RALGPS1: variants seen among roughly 807,000 people sequenced by gnomAD.
RALGPS1 encodes the protein ras-specific guanine nucleotide-releasing factor RalGPS1.
A neutral mutation model predicts 78.8 loss-of-function variants in RALGPS1; 19 were observed. That is an observed-to-expected ratio of 0.24 (90% CI 0.17 to 0.35). The LOEUF (loss-of-function observed/expected upper bound fraction) is 0.35. RALGPS1 is among the 10% of genes least tolerant of loss of function. The pLI is 1.00. For missense variants in RALGPS1, 454 were observed against 688.3 expected (o/e 0.66, Z 3.81); for synonymous variants, 228 against 256.3 (o/e 0.89, Z 1.06).
chr9:127,038,261 C>G (rs900250309), intron 5 of RALGPS1, among the ~76,000 whole-genome samples: 3 of 152,190 alleles, frequency 2.0e-5, no homozygotes, highest in Non-Finnish European at 2.9e-5. Context: ...GCATTTTACC[C>G]GTGCTATCTA....
chr9:127,182,975 G>C (rs1291395382), intron 11 of RALGPS1, among the ~76,000 whole-genome samples: 1 of 152,180 alleles, frequency 6.6e-6, no homozygotes, highest in African/African-American at 2.4e-5. Flanking sequence ...GCCTCAAGAA[G>C]CTTACAGAAG....
intron 7 of RALGPS1, among the ~76,000 whole-genome samples, chr9:127,059,737 T>C (rs1436063862): frequency 6.6e-6 from 1 of 151,956 alleles, no homozygotes; most frequent in African/African-American, 2.4e-5. Context: ...GCTGCATAGA[T>C]CCCTCTGCTT....
intron 4 of RALGPS1, among the ~76,000 whole-genome samples, chr9:126,979,589 C>T (rs2041047449): frequency 6.6e-6 from 1 of 152,154 alleles, no homozygotes; most frequent in Non-Finnish European, 1.5e-5. Flanking sequence ...AGCCCTGAAC[C>T]TGCATGTGCC....
At chr9:127,099,825 C>G (rs375275108) in intron 8 of RALGPS1, among the ~76,000 whole-genome samples, 1 of 152,376 alleles carries the variant, frequency 6.6e-6, no homozygotes, top group African/African-American at 2.4e-5. Context: ...CATGTCATTT[C>G]TGATCATTCC....
intron 2 of RALGPS1, among the ~76,000 whole-genome samples, chr9:126,963,216 G>A (rs1325215559): frequency 6.6e-6 from 1 of 152,092 alleles, no homozygotes; most frequent in African/African-American, 2.4e-5. Context: ...CAGATACAAT[G>A]GTGTGTCACT....
At chr9:126,945,798 T>TC (rs1309786937) in intron 1 of RALGPS1, among the ~76,000 whole-genome samples, 1 of 152,228 alleles carries the variant, frequency 6.6e-6, no homozygotes, top group African/African-American at 2.4e-5. Flanking sequence ...TTTCTGCAGT[T>TC]CCTGCTTTCT....
At chr9:127,123,705 G>C (rs188366927) in intron 8 of RALGPS1, among the ~76,000 whole-genome samples, 1 of 152,316 alleles carries the variant, frequency 6.6e-6, no homozygotes, top group East Asian at 1.9e-4. Context: ...GAGTAAGAAA[G>C]GAGAGGATGG....
intron 1 of RALGPS1, among the ~76,000 whole-genome samples, chr9:126,947,372 C>CT (rs1431547484): frequency 6.6e-6 from 1 of 152,196 alleles, no homozygotes; most frequent in African/African-American, 2.4e-5. Flanking sequence ...ATCTGAGACT[C>CT]TTTGAGTGCT....
At chr9:127,069,729 T>C (rs2050028336) in intron 8 of RALGPS1, 1 of 158,332 alleles carries the variant, frequency 6.3e-6, no homozygotes, top group South Asian at 2.0e-4. Context: ...TTAGTATATT[T>C]CATATTTGTA....
intron 11 of RALGPS1, among the ~76,000 whole-genome samples, chr9:127,182,392 CCCTCCCTTCCTTCCTCCCTTCCTT>C (rs1396290112): frequency 4.4e-4 from 23 of 52,438 alleles, no homozygotes; most frequent in Non-Finnish European, 9.2e-4. Flanking sequence ...CTCCCTCCCT[CCCTCCCTTCCTTCCTCCCTTCCTT>C]CCTCCCTTCC....
At chr9:126,947,151 TTGTC>T (rs1165841646) in intron 1 of RALGPS1, among the ~76,000 whole-genome samples, 1 of 152,170 alleles carries the variant, frequency 6.6e-6, no homozygotes, top group Non-Finnish European at 1.5e-5. Context: ...TAAGAGAGCA[TTGTC>T]TGTGCTGGAA....
intron 4 of RALGPS1, among the ~76,000 whole-genome samples, chr9:126,983,621 CA>C (rs1252884049): frequency 6.6e-6 from 1 of 152,154 alleles, no homozygotes; most frequent in East Asian, 1.9e-4. Flanking sequence ...GTGACAATTC[CA>C]GGGCCTGCAC....
intron 4 of RALGPS1, among the ~76,000 whole-genome samples, chr9:126,995,098 A>C (rs1473256508): frequency 6.6e-6 from 1 of 152,212 alleles, no homozygotes; most frequent in African/African-American, 2.4e-5. Flanking sequence ...AAAGACCATC[A>C]AGGCTAGGAA....
chr9:126,944,300 A>G (rs528064493), intron 1 of RALGPS1, among the ~76,000 whole-genome samples: 1 of 152,148 alleles, frequency 6.6e-6, no homozygotes, highest in African/African-American at 2.4e-5. Flanking sequence ...ACACTAATGG[A>G]TGTGGTCCTA....
At chr9:126,982,958 T>C (rs1588827988) in intron 4 of RALGPS1, among the ~76,000 whole-genome samples, 2 of 100,274 alleles carry the variant, frequency 2.0e-5, no homozygotes, top group African/African-American at 3.6e-5. Flanking sequence ...TTTTTTGAGG[T>C]GGAGTTTCGC....
intron 11 of RALGPS1, chr9:127,178,627 C>T: frequency 2.7e-6 from 1 of 363,916 alleles, no homozygotes; most frequent in Non-Finnish European, 3.8e-6. Context: ...TCAGGTCAGG[C>T]CGTCTAACAG....
At chr9:127,190,660 G>C (rs2060976175) in intron 11 of RALGPS1, among the ~76,000 whole-genome samples, 1 of 152,148 alleles carries the variant, frequency 6.6e-6, no homozygotes. Context: ...TTGGCATGTA[G>C]CTTGTTTCTG....
At chr9:126,983,108 C>T (rs1340125300) in intron 4 of RALGPS1, among the ~76,000 whole-genome samples, 1 of 150,218 alleles carries the variant, frequency 6.7e-6, no homozygotes, top group African/African-American at 2.5e-5. Flanking sequence ...GGCTAATTAT[C>T]GTAATTTTAG....
intron 1 of RALGPS1, among the ~76,000 whole-genome samples, chr9:126,932,759 A>G (rs1435238696): frequency 1.3e-5 from 2 of 152,252 alleles, no homozygotes; most frequent in African/African-American, 4.8e-5. Flanking sequence ...TTATAAAACA[A>G]AAATGTTGAA....
Sources: gnomAD v4.1 joint callset for allele counts (sites outside exome capture counted in the v4.1 genomes callset) on GRCh38, gnomAD v4.1.1 for gene constraint, MANE v1.5 for transcripts, NCBI Gene and HGNC (gene_info 2026-07-23, HGNC 2026-07-21) for gene names.